The following SLC16A7 variants were observed in gnomAD, a reference collection of about 807,000 sequenced individuals.
SLC16A7 encodes the protein solute carrier family 16 member 7, also known as monocarboxylate transporter 2.
A neutral mutation model predicts 34.9 loss-of-function variants in SLC16A7; 33 were observed. The observed-to-expected ratio is 0.94, with a 90% CI of 0.72 to 1.26. The LOEUF is 1.26. Ranked by LOEUF, SLC16A7 falls within the 50% of genes most tolerant of loss-of-function variation. The probability of loss-of-function intolerance (pLI) is 0.00; values close to 1 mark genes in which losing one functional copy is unlikely to be tolerated. For missense variants in SLC16A7, 573 were observed against 578.1 expected (o/e 0.99, Z 0.09); for synonymous variants, 201 against 206.6 (o/e 0.97, Z 0.23).
intron 3 of SLC16A7, among the ~76,000 whole-genome samples, chr12:59,726,804 C>T (rs934116529): frequency 6.6e-6 from 1 of 151,918 alleles, no homozygotes; most frequent in Non-Finnish European, 1.5e-5. Context: ...AGAAACTCAC[C>T]ACCCAGTAAT....
Position 59,671,943 on chromosome 12 carries a change from ATG to A in SLC16A7, c.-31+16697_-31+16698del, listed in dbSNP as rs1354476764. On this transcript the variant is annotated intron_variant, in intron 2 of 5. Transcript: ENST00000547379. ...TATGTATATATCCATATATGTATAT[ATG>A]TGTATATATGTATATATGTGTATAT... 3.9e-4 allele frequency among the ~76,000 whole-genome samples: 9 copies of A among 23,030 alleles called. 1 individual carries two copies. Among genetic ancestry groups the A allele is most frequent in the African/African-American group, 1.2e-3 (6 of 4,884 alleles). 15.1% of individuals were successfully genotyped at this position (23,030 alleles called of 152,430 possible). A position where few individuals can be genotyped will look rare whatever the true frequency, so the allele number is the denominator to read the frequency against.
intron 3 of SLC16A7, among the ~76,000 whole-genome samples, chr12:59,714,518 T>G (rs538364640): frequency 6.6e-6 from 1 of 152,136 alleles, no homozygotes; most frequent in Non-Finnish European, 1.5e-5. Context: ...ACATGGTCTT[T>G]TCTTTGCATG....
chr12:59,669,783 A>G (rs935256140), intron 2 of SLC16A7, among the ~76,000 whole-genome samples: 2 of 152,188 alleles, frequency 1.3e-5, no homozygotes, highest in Non-Finnish European at 2.9e-5. Flanking sequence ...TCAGCAGCAC[A>G]GTTAACTTGC....
intron 3 of SLC16A7, among the ~76,000 whole-genome samples, chr12:59,748,130 C>T (rs573137891): frequency 2.0e-5 from 3 of 151,986 alleles, no homozygotes; most frequent in South Asian, 4.2e-4. Context: ...AAGGGTTAAT[C>T]GAGGGATTGG....
chr12:59,633,073 A>G (rs545390859), intron 1 of SLC16A7, among the ~76,000 whole-genome samples: 1 of 152,138 alleles, frequency 6.6e-6, no homozygotes, highest in African/African-American at 2.4e-5. Context: ...GGGGGTGGAT[A>G]TGACAAGATT....
At chr12:59,720,320 G>T (rs1693604) in intron 3 of SLC16A7, 50,272 of 498,610 alleles carry the variant, frequency 0.1, 3,260 homozygotes, top group African/African-American at 0.22. Flanking sequence ...TTTTAGTCTT[G>T]TGAGACCATA....
At chr12:59,621,910 C>T (rs1469621112) in intron 1 of SLC16A7, among the ~76,000 whole-genome samples, 1 of 151,604 alleles carries the variant, frequency 6.6e-6, no homozygotes, top group Non-Finnish European at 1.5e-5. Flanking sequence ...ACAGTATTTC[C>T]TCATATGTTT....
chr12:59,721,312 G>A (rs1244532051), intron 3 of SLC16A7, among the ~76,000 whole-genome samples: 1 of 151,852 alleles, frequency 6.6e-6, no homozygotes, highest in African/African-American at 2.4e-5. Context: ...TCTCCTGCCT[G>A]TTTACATCCA....
chr12:59,714,677 G>A (rs1387263094), intron 3 of SLC16A7, among the ~76,000 whole-genome samples: 1 of 151,952 alleles, frequency 6.6e-6, no homozygotes, highest in African/African-American at 2.4e-5. Context: ...TGATTCTCCT[G>A]TCTCAGCCTC....
At chr12:59,677,562 G>C (rs1400374656) in intron 2 of SLC16A7, among the ~76,000 whole-genome samples, 1 of 152,032 alleles carries the variant, frequency 6.6e-6, no homozygotes, top group African/African-American at 2.4e-5. Flanking sequence ...GTACAGCAAG[G>C]TTCTAGTTCC....
At chr12:59,635,678 A>G (rs1011743918) in intron 1 of SLC16A7, among the ~76,000 whole-genome samples, 5 of 152,094 alleles carry the variant, frequency 3.3e-5, no homozygotes, top group Admixed American at 2.6e-4. Context: ...AAACCTATCT[A>G]TACTTCAGAT....
chr12:59,655,717 G>A lies in SLC16A7; in HGVS notation c.-31+467G>A, dbSNP rs571080537. Among the ~76,000 whole-genome samples, 633 of 151,506 alleles carry A rather than the reference G, an allele frequency of 4.2e-3. 4 individuals are homozygous for A. Among genetic ancestry groups the A allele is most frequent in the African/African-American group, 0.014 (599 of 41,384 alleles). On this transcript the variant is annotated intron_variant, in intron 2 of 5. Coordinates refer to ENST00000547379, the MANE Select transcript of SLC16A7 (RefSeq NM_001270623.2). ...AATGATCATATTGGGGTTTTTTTAC[G>A]TTCATATTTTGTTTGCAAAGGGCTT... is the stretch of plus-strand genomic sequence containing the variant.
At chr12:59,705,098 G>T (rs1329641364) in intron 3 of SLC16A7, 80 bp downstream of exon 3, 1 of 971,912 alleles carries the variant, frequency 1.0e-6, no homozygotes, top group Non-Finnish European at 1.6e-6. Flanking sequence ...GGAGTGTCTT[G>T]GTATATTAAA....
chr12:59,721,667 C>A (rs1462060442), intron 3 of SLC16A7, among the ~76,000 whole-genome samples: 1 of 151,782 alleles, frequency 6.6e-6, no homozygotes, highest in Non-Finnish European at 1.5e-5. Context: ...GCCCCCACTC[C>A]AATCAGAATT....
intron 2 of SLC16A7, among the ~76,000 whole-genome samples, chr12:59,664,249 A>G (rs990610119): frequency 6.6e-6 from 1 of 152,170 alleles, no homozygotes; most frequent in South Asian, 2.1e-4. Context: ...AGAAGCATTT[A>G]ATAAATTACA....
intron 1 of SLC16A7, among the ~76,000 whole-genome samples, chr12:59,650,404 T>G (rs994936034): frequency 2.0e-5 from 3 of 152,160 alleles, no homozygotes; most frequent in East Asian, 3.9e-4. Flanking sequence ...AAGATATTTC[T>G]TCTAACTGGT....
At chr12:59,777,603 G>A (rs533676673) in intron 5 of SLC16A7, among the ~76,000 whole-genome samples, 2 of 150,906 alleles carry the variant, frequency 1.3e-5, no homozygotes, top group East Asian at 1.9e-4. Context: ...CTTATTAGAG[G>A]TATTAGGCTA....
At chr12:59,719,953 T>A in intron 3 of SLC16A7, 1 of 604,022 alleles carries the variant, frequency 1.7e-6, no homozygotes. Context: ...AACATGCTAA[T>A]CTTCTAAGTA....
At chr12:59,698,293 G>T (rs1207640276) in intron 2 of SLC16A7, among the ~76,000 whole-genome samples, 3 of 151,650 alleles carry the variant, frequency 2.0e-5, no homozygotes, top group African/African-American at 7.2e-5. Flanking sequence ...CCAAATAAAT[G>T]AGATATTCAA....
Sources: gnomAD v4.1 joint callset for allele counts (sites outside exome capture counted in the v4.1 genomes callset) on GRCh38, gnomAD v4.1.1 for gene constraint, MANE v1.5 for transcripts, NCBI Gene and HGNC (gene_info 2026-07-23, HGNC 2026-07-21) for gene names.